Variants in SYT16 observed in about 807,000 individuals in gnomAD.
SYT16 encodes the protein synaptotagmin 16.
Under a neutral mutation model 61.4 loss-of-function variants are expected in SYT16, and 42 were observed. The ratio of observed to expected loss-of-function variants is 0.68; its 90% CI spans 0.53 to 0.89. SYT16 has a LOEUF of 0.89. Ranked by LOEUF, SYT16 falls within the 40% of genes least tolerant of loss-of-function variation. The pLI, the probability that SYT16 is intolerant of heterozygous loss-of-function variation, is 0.00. For missense variants in SYT16, 804 were observed against 807.3 expected (o/e 1.00, Z 0.05); for synonymous variants, 314 against 302.3 (o/e 1.04, Z -0.40).
intron 1 of SYT16, among the ~76,000 whole-genome samples, chr14:61,955,998 T>A (rs1253901602): frequency 6.6e-6 from 1 of 151,826 alleles, no homozygotes; most frequent in Admixed American, 6.6e-5. Flanking sequence ...TTCATAATGG[T>A]CATTCTAACA....
At chr14:61,865,362 C>T (rs558518790) in intron 1 of SYT16, 25 of 653,758 alleles carry the variant, frequency 3.8e-5, no homozygotes, top group East Asian at 6.8e-5. Flanking sequence ...GGAAACAGGG[C>T]ACACAAGAAG....
At chr14:61,816,185 C>T (rs1367791398) in intron 1 of SYT16, among the ~76,000 whole-genome samples, 2 of 152,182 alleles carry the variant, frequency 1.3e-5, no homozygotes, top group East Asian at 3.9e-4. Context: ...TCAGTCTCCA[C>T]CAGCAGCCAC....
At chr14:61,894,305 A>G (rs2048249569) in intron 1 of SYT16, among the ~76,000 whole-genome samples, 1 of 151,618 alleles carries the variant, frequency 6.6e-6, no homozygotes. Context: ...AAAAAAAAAA[A>G]AAGCCTGTTC....
At chr14:61,835,814 C>A (rs550735950) in intron 1 of SYT16, among the ~76,000 whole-genome samples, 2 of 152,234 alleles carry the variant, frequency 1.3e-5, no homozygotes, top group Admixed American at 1.3e-4. Flanking sequence ...TCAAACAAAA[C>A]TTTTCTACAG....
intron 3 of SYT16, among the ~76,000 whole-genome samples, chr14:62,010,701 ATTAT>A (rs1328230020): frequency 1.3e-5 from 2 of 152,122 alleles, no homozygotes; most frequent in Non-Finnish European, 2.9e-5. Context: ...GAACTTTTAT[ATTAT>A]TTCAAAAATT....
chr14:62,053,019 G>T (rs539410991), intron 3 of SYT16, among the ~76,000 whole-genome samples: 5 of 152,188 alleles, frequency 3.3e-5, no homozygotes, highest in Admixed American at 2.0e-4. Flanking sequence ...CTTTGGAACC[G>T]GGTAATGGGT....
chr14:61,908,111 C>A (rs935060651), intron 1 of SYT16, among the ~76,000 whole-genome samples: 3 of 152,222 alleles, frequency 2.0e-5, no homozygotes, highest in African/African-American at 7.2e-5. Flanking sequence ...CAGCCTTTGG[C>A]CTTTAAAGGC....
rs111579643 is a variant in SYT16, at chr14:61,992,216, A to T, written c.-144-3660A>T. Among the ~76,000 whole-genome samples, 390 of 152,298 alleles carry T rather than the reference A, an allele frequency of 2.6e-3. 2 individuals are homozygous for T. Among genetic ancestry groups the T allele is most frequent in the African/African-American group, 8.9e-3 (369 of 41,574 alleles). ...GAAGCAATAAACATTTCCTCATAAA[A>T]AATGAGTATCGGGCAGTTTAGGGAG... On this transcript the variant is annotated intron_variant, in intron 2 of 7. Transcript: ENST00000683842.
At chr14:62,091,689 T>C (rs564620572) in intron 7 of SYT16, among the ~76,000 whole-genome samples, 17 of 152,282 alleles carry the variant, frequency 1.1e-4, no homozygotes, top group Middle Eastern at 3.4e-3. Flanking sequence ...CCTAACACCA[T>C]ATATAAAAAT....
At chr14:61,950,031 A>T (rs1025096654) in intron 1 of SYT16, among the ~76,000 whole-genome samples, 6 of 152,174 alleles carry the variant, frequency 3.9e-5, no homozygotes, top group Non-Finnish European at 5.9e-5. Context: ...CTCCCTCTTG[A>T]CCTAAATGTG....
At chr14:61,824,494 A>G (rs2045712649) in intron 1 of SYT16, among the ~76,000 whole-genome samples, 1 of 152,146 alleles carries the variant, frequency 6.6e-6, no homozygotes, top group Admixed American at 6.5e-5. Flanking sequence ...CTGGGACTAC[A>G]GGCACCTGCC....
intron 1 of SYT16, among the ~76,000 whole-genome samples, chr14:61,884,968 A>G (rs2047844913): frequency 2.0e-5 from 3 of 152,238 alleles, no homozygotes; most frequent in Non-Finnish European, 4.4e-5. Context: ...TGCTCTTTTG[A>G]CATGGGGCCA....
chr14:62,011,736 C>T (rs2053456734), intron 3 of SYT16, among the ~76,000 whole-genome samples: 1 of 151,882 alleles, frequency 6.6e-6, no homozygotes, highest in Non-Finnish European at 1.5e-5. Context: ...ACATTGAATG[C>T]TGTTTACAAG....
intron 2 of SYT16, among the ~76,000 whole-genome samples, chr14:61,970,937 T>G (rs1056335287): frequency 1.1e-4 from 3 of 28,210 alleles, no homozygotes; most frequent in Non-Finnish European, 1.6e-4. Context: ...ACTTTGCTGT[T>G]TTTTTTTTTT....
intron 3 of SYT16, among the ~76,000 whole-genome samples, chr14:62,064,821 T>C (rs1225895725): frequency 6.6e-6 from 1 of 152,070 alleles, no homozygotes; most frequent in Non-Finnish European, 1.5e-5. Flanking sequence ...GGTAAATAAG[T>C]TAACATATGT....
At chr14:61,916,388 T>G (rs538176767) in intron 1 of SYT16, among the ~76,000 whole-genome samples, 2 of 152,316 alleles carry the variant, frequency 1.3e-5, no homozygotes, top group South Asian at 4.1e-4. Flanking sequence ...TTTTATGTGC[T>G]CCTATTACTC....
At chr14:62,061,531 T>C (rs2055824805) in intron 3 of SYT16, among the ~76,000 whole-genome samples, 1 of 151,914 alleles carries the variant, frequency 6.6e-6, no homozygotes, top group Non-Finnish European at 1.5e-5. Flanking sequence ...CACAGACGGG[T>C]TGAAAATGAA....
intron 3 of SYT16, among the ~76,000 whole-genome samples, chr14:62,004,364 G>C (rs2053140577): frequency 6.6e-6 from 1 of 152,116 alleles, no homozygotes; most frequent in Admixed American, 6.6e-5. Context: ...GAAACTGCCT[G>C]CATGATCCAA....
chr14:61,881,741 A>T (rs2047706266), intron 1 of SYT16, among the ~76,000 whole-genome samples: 1 of 152,196 alleles, frequency 6.6e-6, no homozygotes, highest in African/African-American at 2.4e-5. Flanking sequence ...GTATATATCC[A>T]GTCACTTTTG....
Sources: gnomAD v4.1 joint callset for allele counts (sites outside exome capture counted in the v4.1 genomes callset) on GRCh38, gnomAD v4.1.1 for gene constraint, MANE v1.5 for transcripts, NCBI Gene and HGNC (gene_info 2026-07-23, HGNC 2026-07-21) for gene names.